OSBPL10: variants seen among roughly 807,000 people sequenced by gnomAD.
The protein encoded by OSBPL10 is oxysterol-binding protein-related protein 10.
A neutral mutation model predicts 81.7 loss-of-function variants in OSBPL10; 49 were observed. That is an observed-to-expected ratio of 0.60 (90% confidence interval 0.48 to 0.76). The LOEUF (loss-of-function observed/expected upper bound fraction) is 0.76. Ranked by LOEUF, OSBPL10 falls within the 30% of genes least tolerant of loss-of-function variation. OSBPL10 has a pLI of 0.00. For missense variants in OSBPL10, 923 were observed against 987.8 expected (o/e 0.93, Z 0.88); for synonymous variants, 419 against 383.6 (o/e 1.09, Z -1.08).
chr3:32,038,999 G>C (rs1006124830), intron 2 of OSBPL10, among the ~76,000 whole-genome samples: 1 of 151,972 alleles, frequency 6.6e-6, no homozygotes, highest in East Asian at 1.9e-4. Flanking sequence ...AACAATAAAA[G>C]GAATAATAAA....
At chr3:32,026,042 A>AGAT (rs1553649769) in intron 2 of OSBPL10, among the ~76,000 whole-genome samples, 28 of 121,866 alleles carry the variant, frequency 2.3e-4, no homozygotes, top group Non-Finnish European at 3.9e-4. Context: ...ATAGATAGAT[A>AGAT]GATAGATAGA....
At chr3:32,067,138 T>TA (rs556517007) in intron 1 of OSBPL10, among the ~76,000 whole-genome samples, 25 of 150,270 alleles carry the variant, frequency 1.7e-4, no homozygotes, top group African/African-American at 5.1e-4. Flanking sequence ...GGAACACCTT[T>TA]AAAAAAAAAA....
chr3:31,805,395 C>T (rs1368556434), intron 4 of OSBPL10, among the ~76,000 whole-genome samples: 1 of 152,160 alleles, frequency 6.6e-6, no homozygotes, highest in Admixed American at 6.5e-5. Context: ...CTTCCAGAAG[C>T]TCATGGGGCT....
Position 31,690,262 on chromosome 3 carries a change from C to A in OSBPL10, c.1246-6148G>T, listed in dbSNP as rs553403959. Reference sequence around the variant, plus strand: ...TGTTTAAAAGTATATAACACCTCCCCCTTTGCTCTCTTTCTCCTGCTCTGG... The same window carrying A: ...TGTTTAAAAGTATATAACACCTCCCACTTTGCTCTCTTTCTCCTGCTCTGG... On this transcript the variant is annotated intron_variant, in intron 7 of 11. Coordinates refer to ENST00000396556, the MANE Select transcript of OSBPL10 (RefSeq NM_017784.5). Among the ~76,000 whole-genome samples, 8 of 152,094 alleles carry A rather than the reference C, an allele frequency of 5.3e-5. No homozygotes were observed. In the South Asian group the frequency reaches 8.3e-4, roughly 16 times the overall value.
chr3:31,894,038 A>C (rs552626734), intron 1 of OSBPL10, among the ~76,000 whole-genome samples: 12 of 152,342 alleles, frequency 7.9e-5, no homozygotes, highest in African/African-American at 2.9e-4. Flanking sequence ...TACAAGTGAT[A>C]TCTACAGTGA....
chr3:31,819,583 G>A (rs1423415106), intron 4 of OSBPL10, among the ~76,000 whole-genome samples: 1 of 152,190 alleles, frequency 6.6e-6, no homozygotes, highest in East Asian at 1.9e-4. Context: ...AAGAGTCTCA[G>A]CCATACTTCT....
chr3:32,004,932 T>C (rs988036301), intron 2 of OSBPL10, among the ~76,000 whole-genome samples: 2 of 152,338 alleles, frequency 1.3e-5, no homozygotes, highest in African/African-American at 2.4e-5. Context: ...TTCCCACTTA[T>C]GTTTCTCCCC....
rs140498432 is a variant in OSBPL10 at position 31,806,947 on chromosome 3, A to C, written c.729+23093T>G. ...CAGGGGTCTGGGAGGGAGGATTCTG[A>C]GAAATAAGGTTAGAAACATAGCCAG... On this transcript the variant is annotated intron_variant, in intron 4 of 11. Coordinates refer to ENST00000396556, the MANE Select transcript of OSBPL10 (RefSeq NM_017784.5). Among the ~76,000 whole-genome samples, 545 of 152,218 alleles carry C rather than the reference A, an allele frequency of 3.6e-3. 5 individuals carry two copies. Among genetic ancestry groups the C allele is most frequent in the African/African-American group, 0.012 (494 of 41,522 alleles).
chr3:31,759,220 G>A (rs1469662606), intron 4 of OSBPL10, among the ~76,000 whole-genome samples: 1 of 152,144 alleles, frequency 6.6e-6, no homozygotes, highest in Non-Finnish European at 1.5e-5. Context: ...CCGAGTAGAA[G>A]GCAAAGGATC....
At chr3:32,052,472 A>G (rs572643649) in intron 1 of OSBPL10, among the ~76,000 whole-genome samples, 5 of 152,194 alleles carry the variant, frequency 3.3e-5, no homozygotes, top group Non-Finnish European at 5.9e-5. Context: ...CCAAAAGATT[A>G]TAAATCATTC....
At chr3:31,692,340 A>G (rs57450023) in intron 7 of OSBPL10, among the ~76,000 whole-genome samples, 1,774 of 152,338 alleles carry the variant, frequency 0.012, 34 homozygotes, top group African/African-American at 0.041. Context: ...AAATTAGTCC[A>G]GTGCCTACCT....
At chr3:31,913,322 C>T (rs1031918741) in intron 1 of OSBPL10, among the ~76,000 whole-genome samples, 1 of 151,710 alleles carries the variant, frequency 6.6e-6, no homozygotes, top group African/African-American at 2.4e-5. Flanking sequence ...GATCTCAGCT[C>T]ACTACAACCT....
At chr3:31,786,425 G>C (rs1007186385) in intron 4 of OSBPL10, among the ~76,000 whole-genome samples, 17 of 152,292 alleles carry the variant, frequency 1.1e-4, no homozygotes, top group Non-Finnish European at 2.4e-4. Context: ...GTAATTTATA[G>C]ACAGTAGAAA....
chr3:32,075,108 T>C (rs1254211978), intron 1 of OSBPL10, among the ~76,000 whole-genome samples: 1 of 152,198 alleles, frequency 6.6e-6, no homozygotes. Context: ...CATTTCAACC[T>C]CTGTCACAAC....
At chr3:31,765,930 G>T (rs1473659372) in intron 4 of OSBPL10, among the ~76,000 whole-genome samples, 1 of 152,174 alleles carries the variant, frequency 6.6e-6, no homozygotes, top group Non-Finnish European at 1.5e-5. Context: ...ACAGGAAAGA[G>T]TGCCCAGAAA....
At chr3:31,679,741 A>G (rs1700587482) in intron 8 of OSBPL10, among the ~76,000 whole-genome samples, 1 of 152,204 alleles carries the variant, frequency 6.6e-6, no homozygotes, top group African/African-American at 2.4e-5. Context: ...GTTTTTAAGA[A>G]AAGGAAAAGA....
At chr3:31,873,245 C>G (rs1389050262) in intron 3 of OSBPL10, among the ~76,000 whole-genome samples, 1 of 152,156 alleles carries the variant, frequency 6.6e-6, no homozygotes, top group Non-Finnish European at 1.5e-5. Flanking sequence ...AATCAATATT[C>G]TACCATATTC....
At chr3:31,762,755 C>T (rs1410090452) in intron 4 of OSBPL10, among the ~76,000 whole-genome samples, 3 of 149,930 alleles carry the variant, frequency 2.0e-5, no homozygotes, top group Non-Finnish European at 4.4e-5. Flanking sequence ...AGACATGAGC[C>T]ACTGCACCCA....
chr3:31,989,104 A>G, intron 2 of OSBPL10: 1 of 1,614,086 alleles, frequency 6.2e-7, no homozygotes, highest in Non-Finnish European at 8.5e-7. Flanking sequence ...AGCAGCTCAG[A>G]AGAGGAAAGA....
Sources: gnomAD v4.1 joint callset for allele counts (sites outside exome capture counted in the v4.1 genomes callset) on GRCh38, gnomAD v4.1.1 for gene constraint, MANE v1.5 for transcripts, NCBI Gene and HGNC (gene_info 2026-07-23, HGNC 2026-07-21) for gene names.